Variants in MAST2 observed in about 807,000 individuals in gnomAD.
MAST2 encodes the protein microtubule-associated serine/threonine-protein kinase 2.
In MAST2, 70 loss-of-function variants were observed where a neutral mutation model predicts 147.4. The ratio of observed to expected loss-of-function variants is 0.47; its 90% confidence interval spans 0.39 to 0.58. The LOEUF (loss-of-function observed/expected upper bound fraction) is 0.58, where lower values mean the gene tolerates loss of function less well. Among genes scored for constraint, MAST2 ranks in the 20% least tolerant of loss-of-function variants. The pLI is 0.00. For missense variants in MAST2, 2,080 were observed against 2,302.3 expected (o/e 0.90, Z 1.98); for synonymous variants, 869 against 896.8 (o/e 0.97, Z 0.55).
chr1:45,820,608 A>G (rs1644591907), intron 1 of MAST2, among the ~76,000 whole-genome samples: 1 of 152,100 alleles, frequency 6.6e-6, no homozygotes, highest in Non-Finnish European at 1.5e-5. Flanking sequence ...TTTGTCTTTT[A>G]AGTCATATAG....
intron 6 of MAST2, among the ~76,000 whole-genome samples, chr1:45,999,774 T>C (rs555079046): frequency 9.2e-5 from 14 of 152,354 alleles, no homozygotes; most frequent in Admixed American, 2.6e-4. Flanking sequence ...CTTCTTGTCT[T>C]TCTCCATCAA....
At chr1:45,959,979 C>T (rs1660180771) in intron 5 of MAST2, among the ~76,000 whole-genome samples, 1 of 152,142 alleles carries the variant, frequency 6.6e-6, no homozygotes, top group African/African-American at 2.4e-5. Context: ...CTATGTTGCC[C>T]AGGCTGGTCT....
chr1:45,816,221 A>AAGAGAGAGAGAGAGAAAG (rs1644448625), intron 1 of MAST2, among the ~76,000 whole-genome samples: 4 of 134,810 alleles, frequency 3.0e-5, no homozygotes, highest in East Asian at 4.6e-4. Context: ...GAGAGAGAGA[A>AAGAGAGAGAGAGAGAAAG]AGAGAGAGAG....
intron 3 of MAST2, among the ~76,000 whole-genome samples, chr1:45,834,178 A>G (rs1645038476): frequency 6.6e-6 from 1 of 152,158 alleles, no homozygotes; most frequent in Non-Finnish European, 1.5e-5. Flanking sequence ...GGATTCACAT[A>G]TAATAGGACA....
intron 2 of MAST2, among the ~76,000 whole-genome samples, chr1:45,826,744 A>C (rs966119504): frequency 3.2e-4 from 49 of 152,158 alleles, no homozygotes; most frequent in Admixed American, 6.6e-5. Context: ...TATCTGCTTT[A>C]GATTTCCCCA....
At chr1:46,020,344 A>G (rs1324846862) in intron 11 of MAST2, among the ~76,000 whole-genome samples, 1 of 152,068 alleles carries the variant, frequency 6.6e-6, no homozygotes, top group African/African-American at 2.4e-5. Flanking sequence ...GGGAAGGAGC[A>G]TTCAGTGGGG....
intron 1 of MAST2, among the ~76,000 whole-genome samples, chr1:45,806,067 G>A (rs1051415771): frequency 2.0e-5 from 3 of 152,098 alleles, no homozygotes; most frequent in African/African-American, 4.8e-5. Flanking sequence ...CAAATCAAAG[G>A]TTCATTCAGT....
intron 4 of MAST2, among the ~76,000 whole-genome samples, chr1:45,919,221 C>T (rs879324675): frequency 6.6e-6 from 1 of 151,960 alleles, no homozygotes; most frequent in Non-Finnish European, 1.5e-5. Flanking sequence ...AAGAAGTGGT[C>T]AGATTTGGGG....
chr1:45,948,281 C>T (rs1173598712), intron 4 of MAST2, among the ~76,000 whole-genome samples: 1 of 152,126 alleles, frequency 6.6e-6, no homozygotes, highest in Admixed American at 6.6e-5. Flanking sequence ...GAAAAACATA[C>T]CATGCTCATG....
At position 46,035,851 on chromosome 1, in the gene MAST2, G is replaced by A; in HGVS notation, c.5182G>A (p.Glu1728Lys). Residue 1728 changes from glutamate to lysine, a missense_variant, in exon 29 of 29, where the codon GAG becomes AAG. By Grantham distance (56) the Glu-to-Lys change is moderately conservative (BLOSUM62 1). This residue lies in a region of MAST2 where 1,278 missense variants were observed against 1,304.2 expected (regional missense o/e 0.98). Transcript: ENST00000361297. This position sits in a 1 kb window ranked among gnomAD's most constrained non-coding sequence, Gnocchi z 5.5. ...YEDPSQGWLW[E>K]SECAQAVKED... The stretch of plus-strand genomic sequence containing the variant: ...GGATCCCAGCCAGGGCTGGCTATGG[G>A]AGTCTGAGTGTGCACAAGCAGTGAA... 2 of 1,613,974 alleles carry A rather than the reference G, an allele frequency of 1.2e-6. No individual in the cohort carries two copies. The highest frequency in any genetic ancestry group is 4.5e-5 in the East Asian group (2 of 44,874).
In MAST2 at chr1:46,023,648, AT is replaced by A. The variant is rs1452827726; in HGVS notation, c.1572-123del. The A allele has an allele frequency of 6.0e-6, 5 of 834,584 alleles. No homozygotes were observed. In the South Asian group the frequency reaches 6.8e-5, roughly 11 times the overall value. The allele number at this position is 834,584 out of a possible 1,614,324, so 51.7% of individuals were successfully genotyped here. Reference sequence around the variant, plus strand: ...GGGGTCCCAGACCCTTCTCACTGATATGCATGCCCTTGCCCCCTTGTTCTGT... The same window carrying A: ...GGGGTCCCAGACCCTTCTCACTGATAGCATGCCCTTGCCCCCTTGTTCTGT... On this transcript the variant is annotated intron_variant, in intron 14 of 28. Transcript: ENST00000361297. This position sits in a 1 kb window ranked among gnomAD's most constrained non-coding sequence, Gnocchi z 4.9.
At position 46,031,263 on chromosome 1, in the gene MAST2, G is replaced by C; in HGVS notation, c.2965G>C (p.Val989Leu). 6.5e-7 allele frequency: 1 copy of C among 1,536,222 alleles called. No individual in the cohort carries two copies. The highest frequency in any genetic ancestry group is 1.4e-5 in the African/African-American group (1 of 72,896). ...GCGGCCAAAGCTGGATGAGGAAGCTGTTGGCCGGAGCAGTGGTTCCAGTCC... is the reference window on the plus strand; with the variant it reads ...GCGGCCAAAGCTGGATGAGGAAGCTCTTGGCCGGAGCAGTGGTTCCAGTCC... The part of the protein sequence containing the change: ...EQRPKLDEEA[V>L]GRSSGSSPAM... The change falls in exon 23 of 29, where the codon GTT (valine) becomes CTT (leucine). Residue 989 changes from valine (V) to leucine (L), a missense_variant. By Grantham distance (32) the Val-to-Leu change is conservative. Transcript: ENST00000361297. This position sits in a 1 kb window ranked among gnomAD's most constrained non-coding sequence, Gnocchi z 4.1.
intron 16 of MAST2, among the ~76,000 whole-genome samples, chr1:46,027,252 T>C (rs1055732232): frequency 3.9e-5 from 6 of 152,190 alleles, no homozygotes; most frequent in East Asian, 1.9e-4. Context: ...ATCTTAGTTC[T>C]AGTTTCTCCC....
At chr1:46,014,128 G>A (rs1031485838) in intron 10 of MAST2, among the ~76,000 whole-genome samples, 4 of 151,150 alleles carry the variant, frequency 2.6e-5, no homozygotes, top group East Asian at 1.9e-4. Flanking sequence ...TTATATCTTC[G>A]TTTTCATTGA....
intron 5 of MAST2, among the ~76,000 whole-genome samples, chr1:45,993,250 C>T (rs1212752187): frequency 6.6e-6 from 1 of 152,086 alleles, no homozygotes; most frequent in Non-Finnish European, 1.5e-5. Context: ...TGTGCAGATC[C>T]ATATTTCCAC....
rs749201243 is a variant in MAST2 at position 46,035,924 on chromosome 1, A to G, written c.5255A>G (p.Asp1752Gly). 4.3e-6 allele frequency: 7 copies of G among 1,613,930 alleles called. No homozygotes were observed. Among genetic ancestry groups the G allele is most frequent in the Non-Finnish European group, 5.1e-6 (6 of 1,180,030 alleles). ...SITQVPDASG[D>G]RRQDVPCRGC... ...ACCCAAGTGCCTGATGCCTCAGGTG[A>G]CAGAAGGCAGGACGTTCCATGCCGA... Residue 1752 changes from aspartate to glycine, a missense_variant, in exon 29 of 29, where the codon GAC becomes GGC. Physicochemically the swap from Asp to Gly is moderately conservative, Grantham distance 94. Coordinates refer to ENST00000361297, the MANE Select transcript of MAST2 (RefSeq NM_015112.3). This position sits in a 1 kb window ranked among gnomAD's most constrained non-coding sequence, Gnocchi z 5.5.
chr1:45,958,391 C>T (rs1659941547), intron 4 of MAST2, among the ~76,000 whole-genome samples: 1 of 152,002 alleles, frequency 6.6e-6, no homozygotes, highest in African/African-American at 2.4e-5. Context: ...TTCTCTCTGC[C>T]TCTCAGCTCT....
intron 4 of MAST2, among the ~76,000 whole-genome samples, chr1:45,905,817 CT>C (rs1327397414): frequency 1.3e-5 from 2 of 152,050 alleles, no homozygotes; most frequent in Non-Finnish European, 2.9e-5. Context: ...GATACTACCC[CT>C]AACCCCCATC....
At chr1:45,905,319 G>A (rs941213951) in intron 4 of MAST2, among the ~76,000 whole-genome samples, 3 of 151,758 alleles carry the variant, frequency 2.0e-5, no homozygotes, top group Admixed American at 2.0e-4. Flanking sequence ...CAAGTAGCTG[G>A]GAGTACAGGC....
Sources: gnomAD v4.1 joint callset for allele counts (sites outside exome capture counted in the v4.1 genomes callset) on GRCh38, gnomAD v4.1.1 for gene constraint, gnomAD v4.1.1 regional missense constraint, Gnocchi (gnomAD v3.1) non-coding constraint, MANE v1.5 for transcripts, NCBI Gene and HGNC (gene_info 2026-07-23, HGNC 2026-07-21) for gene names.